KRT74: variants seen among roughly 807,000 people sequenced by gnomAD.
KRT74 encodes keratin 74, also known as keratin, type II cytoskeletal 74.
A neutral mutation model predicts 42.7 loss-of-function variants in KRT74; 43 were observed. The ratio of observed to expected loss-of-function variants is 1.01; its 90% CI spans 0.79 to 1.30. The LOEUF is 1.30. KRT74 is among the 50% of genes most tolerant of loss of function. The pLI is 0.00. For synonymous variants in KRT74, 302 were observed against 279.0 expected (o/e 1.08, Z -0.82); for missense variants, 736 against 689.1 (o/e 1.07, Z -0.76).
chr12:52,568,072 G>A (rs976506410), intron 7 of KRT74, 97 bp downstream of exon 7: 51 of 1,372,818 alleles, frequency 3.7e-5, no homozygotes, highest in African/African-American at 3.4e-4. Context: ...TCTCTTGCTT[G>A]TATTGGCACT....
rs1258828190 is a variant in KRT74 at position 52,567,110 on chromosome 12, A to G, written c.1449T>C (p.Leu483=). The G allele has an allele frequency of 6.2e-7, 1 of 1,604,728 alleles. No homozygotes were observed. The highest frequency in any genetic ancestry group is 1.1e-5 in the South Asian group (1 of 90,580). ...AGCTGCCTGCCACAGCGCTGGCCCCAAGGTCAACACCCGCAGAGCTGGGGT... is the reference window on the plus strand; with the variant it reads ...AGCTGCCTGCCACAGCGCTGGCCCCGAGGTCAACACCCGCAGAGCTGGGGT... ...YHHPSSAGVD[L]GASAVAGSSG... The change falls in exon 9 of 9, where the codon CTT becomes CTC. Residue 483 remains leucine (L), a synonymous_variant. Transcript: ENST00000305620.
Position 52,568,201 on chromosome 12 carries a change from G to A in KRT74, c.1323C>T (p.Thr441=). 1 of 1,614,206 alleles carries A rather than the reference G, an allele frequency of 6.2e-7. No individual in the cohort carries two copies. Among genetic ancestry groups the A allele is most frequent in the Non-Finnish European group, 8.5e-7 (1 of 1,180,048 alleles). The part of the protein sequence containing the change: ...LKLALDMEIA[T]YRKLLEGEEC... ...CCTCGCCCTCCAGCAGCTTGCGGTA[G>A]GTGGCAATCTCCATGTCCAGGGCCA... is the stretch of plus-strand genomic sequence containing the variant. Residue 441 remains threonine (T), a synonymous_variant, in exon 7 of 9, where the codon ACC becomes ACT. Coordinates refer to ENST00000305620, the MANE Select transcript of KRT74 (RefSeq NM_175053.4).
At position 52,573,750 on chromosome 12, in the gene KRT74, T is replaced by C; in HGVS notation, c.28A>G (p.Ser10Gly). The change falls in exon 1 of 9, where the codon AGT becomes GGT. Residue 10 changes from serine to glycine, a missense_variant. Transcript: ENST00000305620. ...ACACTGAAGTTGCCCTTGTCACCACTGGACTTGATGTTCAGTTGCCGACTC... is the reference window on the plus strand; with the variant it reads ...ACACTGAAGTTGCCCTTGTCACCACCGGACTTGATGTTCAGTTGCCGACTC... MSRQLNIKS[S>G]GDKGNFSVHS... 6.2e-7 allele frequency: 1 copy of C among 1,613,880 alleles called. No homozygotes were observed.
chr12:52,572,218 G>A (rs1269809265), intron 2 of KRT74, among the ~76,000 whole-genome samples: 6 of 152,118 alleles, frequency 3.9e-5, no homozygotes, highest in African/African-American at 1.2e-4. Flanking sequence ...TTGGGCTCCC[G>A]ACACCAGCAA....
Position 52,571,489 on chromosome 12 carries a change from A to G in KRT74, c.748-35T>C, listed in dbSNP as rs374573619. 548 of 1,466,346 alleles carry G rather than the reference A, an allele frequency of 3.7e-4. 1 individual carries two copies. The highest frequency in any genetic ancestry group is 2.5e-3 in the South Asian group (218 of 88,024). 90.8% of individuals were successfully genotyped at this position (1,466,346 alleles called of 1,614,324 possible). A position where few individuals can be genotyped will look rare whatever the true frequency, so the allele number is the denominator to read the frequency against. ...GGCCCCAGAGTCATTGGGGGATGCA[A>G]CCCTCATCCCACAGCTGCCCTGCCC... On this transcript the variant is annotated intron_variant, in intron 3 of 8. Coordinates refer to ENST00000305620, the MANE Select transcript of KRT74 (RefSeq NM_175053.4).
At position 52,572,622 on chromosome 12, in the gene KRT74, C is replaced by T; in HGVS notation, c.517G>A (p.Glu173Lys). 6.2e-7 allele frequency: 1 copy of T among 1,614,172 alleles called. No homozygotes were observed. The highest frequency in any genetic ancestry group is 8.5e-7 in the Non-Finnish European group (1 of 1,180,026). The part of the protein sequence containing the change: ...QQNQVLETKW[E>K]LLQQLDLNNC... ...TTCAGGTCCAGCTGCTGCAGCAGCT[C>T]CCACTTGGTTTCTAGAACCTGGTTC... Residue 173 changes from glutamate to lysine, a missense_variant, in exon 2 of 9, where the codon GAG becomes AAG. Physicochemically the swap from Glu to Lys is moderately conservative, Grantham distance 56. Coordinates refer to ENST00000305620, the MANE Select transcript of KRT74 (RefSeq NM_175053.4).
Position 52,572,125 on chromosome 12 carries a change from G to A in KRT74, c.687-121C>T, listed in dbSNP as rs947631681. On this transcript the variant is annotated intron_variant, in intron 2 of 8. Transcript: ENST00000305620. ...AGGGTCTCTGGGGTGAGCAGTAAGAGGCTAGTGACAGGAGTAAGATATCCC... is the reference window on the plus strand; with the variant it reads ...AGGGTCTCTGGGGTGAGCAGTAAGAAGCTAGTGACAGGAGTAAGATATCCC... 26 of 814,242 alleles carry A rather than the reference G, an allele frequency of 3.2e-5. 1 individual carries two copies. The Admixed American group carries it at 4.4e-4, about 14-fold the overall frequency. The allele number at this position is 814,242 out of a possible 1,614,324, so 50.4% of individuals were successfully genotyped here.
At chr12:52,570,623 C>G (rs1939461975) in intron 5 of KRT74, 46 bp downstream of exon 5, 1 of 1,609,656 alleles carries the variant, frequency 6.2e-7, no homozygotes, top group African/African-American at 1.3e-5. Context: ...TGACCCCTCC[C>G]AGGAAGCGAA....
At position 52,571,362 on chromosome 12, in the gene KRT74, A is replaced by C. The variant is rs963779509; in HGVS notation, c.840T>G (p.Asp280Glu). The change falls in exon 4 of 9, where the codon GAT becomes GAG. Residue 280 changes from aspartate to glutamate, a missense_variant. By Grantham distance (45) the Asp-to-Glu change is conservative. Transcript: ENST00000305620. The stretch of plus-strand genomic sequence containing the variant: ...GGGGGGACAGGAGTGTCCTTACTGC[A>C]TCATACAGACACTTGAGGAACTTGA... ...KEIKFLKCLYDAEIAQIQTHA... is the reference protein window; with the variant it reads ...KEIKFLKCLYEAEIAQIQTHA... 1 of 1,593,336 alleles carries C rather than the reference A, an allele frequency of 6.3e-7. No individual in the cohort carries two copies. Among genetic ancestry groups the C allele is most frequent in the Non-Finnish European group, 8.6e-7 (1 of 1,161,250 alleles).
intron 6 of KRT74, 112 bp from the exon 7 acceptor site, chr12:52,568,501 T>A: frequency 8.6e-7 from 1 of 1,156,640 alleles, no homozygotes; most frequent in Non-Finnish European, 1.2e-6. Context: ...TGACAAGGAG[T>A]AAAAGCTGCA....
intron 2 of KRT74, 128 bp from the exon 3 acceptor site, chr12:52,572,132 G>T: frequency 1.3e-6 from 1 of 794,856 alleles, no homozygotes; most frequent in South Asian, 1.4e-5. Flanking sequence ...AGAGGCTAGT[G>T]ACAGGAGTAA....
Position 52,569,501 on chromosome 12 carries a change from A to G in KRT74, c.1134+358T>C, listed in dbSNP as rs367586308. On this transcript the variant is annotated intron_variant, in intron 6 of 8. Transcript: ENST00000305620. ...CTCAGAGGGGGCACCCAAAGGGGACATGGGGCAGGTTCATTGGACACAGAA... is the reference window on the plus strand; with the variant it reads ...CTCAGAGGGGGCACCCAAAGGGGACGTGGGGCAGGTTCATTGGACACAGAA... 690 of 609,040 alleles carry G rather than the reference A, an allele frequency of 1.1e-3. 3 individuals carry two copies. The highest frequency in any genetic ancestry group is 0.01 in the African/African-American group (552 of 54,174). The allele number at this position is 609,040 out of a possible 1,614,324, so 37.7% of individuals were successfully genotyped here.
Position 52,566,981 on chromosome 12 carries a change from T to C in KRT74, c.1578A>G (p.Lys526=). The stretch of plus-strand genomic sequence containing the variant: ...TGAGGCCATGGGTCTAGCGGGTGGC[T>C]TTCCTTGCTGGGATGCTGGCTGGGG... ...KSTPASIPAR[K]ATR is the part of the protein sequence containing the mutation. The change falls in exon 9 of 9, where the codon AAA becomes AAG. Residue 526 remains lysine (K), a synonymous_variant. Transcript: ENST00000305620. The C allele has an allele frequency of 6.2e-7, 1 of 1,609,920 alleles. No homozygotes were observed.
chr12:52,572,592 A>G lies in KRT74; in HGVS notation c.547T>C (p.Cys183Arg). 2 of 1,614,184 alleles carry G rather than the reference A, an allele frequency of 1.2e-6. No individual in the cohort carries two copies. The highest frequency in any genetic ancestry group is 1.7e-6 in the Non-Finnish European group (2 of 1,180,020). Reference sequence around the variant, plus strand: ...AGGATGGGCTCCAGGTTCTTCTTGCAGTTGTTCAGGTCCAGCTGCTGCAGC... The same window carrying G: ...AGGATGGGCTCCAGGTTCTTCTTGCGGTTGTTCAGGTCCAGCTGCTGCAGC... ...ELLQQLDLNN[C>R]KKNLEPILEG... is the part of the protein sequence containing the mutation. The change falls in exon 2 of 9, where the codon TGC (cysteine) becomes CGC (arginine). Residue 183 changes from cysteine (C) to arginine (R), a missense_variant. Coordinates refer to ENST00000305620, the MANE Select transcript of KRT74 (RefSeq NM_175053.4).
At position 52,567,008 on chromosome 12, in the gene KRT74, G is replaced by T. The variant is rs1488495221; in HGVS notation, c.1551C>A (p.Ser517Arg). ...GGDLKDTQGK[S>R]TPASIPARKA... Reference sequence around the variant, plus strand: ...TCCTTGCTGGGATGCTGGCTGGGGTGCTCTTGCCCTGGGTGTCCTTGAGGT... The same window carrying T: ...TCCTTGCTGGGATGCTGGCTGGGGTTCTCTTGCCCTGGGTGTCCTTGAGGT... Residue 517 changes from serine (S) to arginine (R), a missense_variant, in exon 9 of 9, where the codon AGC becomes AGA. Ser to Arg is a moderately radical substitution (Grantham distance 110). Coordinates refer to ENST00000305620, the MANE Select transcript of KRT74 (RefSeq NM_175053.4). 18 of 1,607,604 alleles carry T rather than the reference G, an allele frequency of 1.1e-5. No homozygotes were observed. The highest frequency in any genetic ancestry group is 1.4e-5 in the Non-Finnish European group (17 of 1,175,798).
chr12:52,570,743 C>T lies in KRT74; in HGVS notation c.934G>A (p.Ala312Thr), dbSNP rs770593595. The change falls in exon 5 of 9, where the codon GCT (alanine) becomes ACT (threonine). Residue 312 changes from alanine (A) to threonine (T), a missense_variant. Transcript: ENST00000305620. Reference protein sequence around the residue: ...NRDLDLDSIIAEVRMHYEEIA... With the variant: ...NRDLDLDSIITEVRMHYEEIA... Reference sequence around the variant, plus strand: ...TCCTCATAATGCATGCGGACCTCAGCGATGATGCTGTCAAGGTCCAGGTCC... The same window carrying T: ...TCCTCATAATGCATGCGGACCTCAGTGATGATGCTGTCAAGGTCCAGGTCC... The T allele has an allele frequency of 1.2e-5, 20 of 1,614,248 alleles. No homozygotes were observed. The highest frequency in any genetic ancestry group is 3.3e-5 in the Admixed American group (2 of 60,034).
chr12:52,571,338 G>A (rs1260999228), intron 4 of KRT74, 21 bp downstream of exon 4: 3 of 1,427,010 alleles, frequency 2.1e-6, no homozygotes, highest in African/African-American at 1.4e-5. Context: ...GGTGAGGGTG[G>A]GGGGACAGGA....
chr12:52,572,136 G>A (rs1473277189), intron 2 of KRT74, 132 bp from the exon 3 acceptor site: 6 of 778,862 alleles, frequency 7.7e-6, no homozygotes, highest in Non-Finnish European at 1.4e-5. Flanking sequence ...GCTAGTGACA[G>A]GAGTAAGATA....
rs758627264 is a variant in KRT74 at position 52,573,816 on chromosome 12, G to A, written c.-39C>T. Reference sequence around the variant, plus strand: ...GAGTTGACAGAGCTGGAGAAAAGCAGTCTCCAAGGGGTAGAGAACACACTG... The same window carrying A: ...GAGTTGACAGAGCTGGAGAAAAGCAATCTCCAAGGGGTAGAGAACACACTG... On this transcript the variant is annotated 5_prime_UTR_variant, in exon 1 of 9. Transcript: ENST00000305620. 27 of 1,510,856 alleles carry A rather than the reference G, an allele frequency of 1.8e-5. No homozygotes were observed. The Admixed American group carries it at 4.5e-4, about 25-fold the overall frequency. 93.6% of individuals were successfully genotyped at this position (1,510,856 alleles called of 1,614,324 possible).
Sources: allele counts gnomAD v4.1 joint callset (sites outside exome capture counted in the v4.1 genomes callset), GRCh38; gene constraint gnomAD v4.1.1; transcripts MANE v1.5; gene names NCBI Gene and HGNC (gene_info 2026-07-23, HGNC 2026-07-21).